The following SYN3 variants were observed in gnomAD, a reference collection of about 807,000 sequenced individuals.
SYN3 encodes synapsin III.
SYN3 carries 35 observed loss-of-function variants against 65.8 expected under a neutral mutation model. That is an observed-to-expected ratio of 0.53 (90% CI 0.41 to 0.70). The LOEUF (loss-of-function observed/expected upper bound fraction) is 0.70, where lower values mean the gene tolerates loss of function less well. Among genes scored for constraint, SYN3 ranks in the 30% least tolerant of loss-of-function variants. The probability of loss-of-function intolerance (pLI) is 0.00; values close to 1 mark genes in which losing one functional copy is unlikely to be tolerated. For missense variants in SYN3, 680 were observed against 749.0 expected (o/e 0.91, Z 1.08); for synonymous variants, 270 against 292.9 (o/e 0.92, Z 0.80).
intron 5 of SYN3, among the ~76,000 whole-genome samples, chr22:32,865,622 C>T (rs1428091619): frequency 1.3e-5 from 2 of 152,148 alleles, no homozygotes; most frequent in African/African-American, 2.4e-5. Context: ...TGTTGCAACC[C>T]CTCTCATTTC....
intron 1 of SYN3, chr22:33,015,181 A>T: frequency 4.4e-6 from 1 of 227,770 alleles, no homozygotes; most frequent in Non-Finnish European, 8.5e-6. Context: ...AGATGGCGCC[A>T]CAGCACTCCA....
intron 7 of SYN3, among the ~76,000 whole-genome samples, chr22:32,586,560 A>G (rs1223041973): frequency 1.3e-5 from 2 of 152,166 alleles, no homozygotes; most frequent in East Asian, 3.8e-4. Flanking sequence ...TCATCAACAA[A>G]AAGCACAAAA....
At chr22:32,937,435 C>T (rs1357690947) in intron 3 of SYN3, among the ~76,000 whole-genome samples, 4 of 152,168 alleles carry the variant, frequency 2.6e-5, no homozygotes, top group Non-Finnish European at 5.9e-5. Context: ...TTAATCAGCT[C>T]ACAGTTGTGT....
intron 6 of SYN3, among the ~76,000 whole-genome samples, chr22:32,714,995 C>T (rs560104716): frequency 7.9e-5 from 12 of 152,224 alleles, no homozygotes; most frequent in Admixed American, 2.0e-4. Flanking sequence ...GTATGTTCTG[C>T]GGAGCGCTCC....
chr22:32,540,807 C>G (rs1379709534), intron 8 of SYN3, among the ~76,000 whole-genome samples: 1 of 152,192 alleles, frequency 6.6e-6, no homozygotes, highest in African/African-American at 2.4e-5. Context: ...AAAATGCGAT[C>G]AAAGTTGGAC....
chr22:32,519,981 T>C (rs1159395106), intron 12 of SYN3, among the ~76,000 whole-genome samples: 1 of 152,086 alleles, frequency 6.6e-6, no homozygotes, highest in Non-Finnish European at 1.5e-5. Flanking sequence ...TAGGCATTAT[T>C]TTCATCCCCT....
chr22:32,692,914 A>C (rs979292216), intron 6 of SYN3, among the ~76,000 whole-genome samples: 3 of 152,170 alleles, frequency 2.0e-5, no homozygotes, highest in South Asian at 2.1e-4. Flanking sequence ...CCATTTCCCA[A>C]AGCTAATCAC....
chr22:32,777,106 G>T (rs753893572), intron 6 of SYN3, among the ~76,000 whole-genome samples: 4 of 152,158 alleles, frequency 2.6e-5, no homozygotes, highest in Non-Finnish European at 4.4e-5. Context: ...TTCAGAACCA[G>T]TTCCTCCCAG....
Position 32,605,238 on chromosome 22 carries a change from A to C in SYN3, c.712-8502T>G, listed in dbSNP as rs144969118. On this transcript the variant is annotated intron_variant, in intron 6 of 13. Coordinates refer to ENST00000358763, the MANE Select transcript of SYN3 (RefSeq NM_003490.4). ...TATGCGAACAGGCAGAGTCAGGAGGAATGTGGTGATTCGAGTGGAAGGTTT... is the reference window on the plus strand; with the variant it reads ...TATGCGAACAGGCAGAGTCAGGAGGCATGTGGTGATTCGAGTGGAAGGTTT... 2.2e-4 allele frequency among the ~76,000 whole-genome samples: 34 copies of C among 152,078 alleles called. No homozygotes were observed. The East Asian group carries it at 6.6e-3, about 30-fold the overall frequency.
chr22:32,628,755 A>C (rs2059705729), intron 6 of SYN3, among the ~76,000 whole-genome samples: 1 of 152,138 alleles, frequency 6.6e-6, no homozygotes, highest in African/African-American at 2.4e-5. Context: ...TCTAAAAAAA[A>C]AAAAAACCTC....
intron 7 of SYN3, among the ~76,000 whole-genome samples, chr22:32,586,004 G>C (rs1489600623): frequency 7.7e-6 from 1 of 129,818 alleles, no homozygotes; most frequent in Non-Finnish European, 1.6e-5. Context: ...ATATATGTAT[G>C]TATGTATACG....
At chr22:32,573,936 A>ATTTTTTT (rs562426253) in intron 7 of SYN3, among the ~76,000 whole-genome samples, 1 of 140,592 alleles carries the variant, frequency 7.1e-6, no homozygotes, top group African/African-American at 2.6e-5. Flanking sequence ...CGCCCGGCTA[A>ATTTTTTT]TTTTTTTTTT....
At chr22:32,668,267 T>C (rs1468739666) in intron 6 of SYN3, among the ~76,000 whole-genome samples, 1 of 152,224 alleles carries the variant, frequency 6.6e-6, no homozygotes, top group Non-Finnish European at 1.5e-5. Context: ...TTAGAAGTGT[T>C]AAAAGAAACT....
At chr22:32,568,149 T>C (rs1413499877) in intron 7 of SYN3, among the ~76,000 whole-genome samples, 6 of 152,210 alleles carry the variant, frequency 3.9e-5, no homozygotes, top group Non-Finnish European at 5.9e-5. Context: ...GCTGTGCCTC[T>C]GGGAGGTCCT....
rs2057708840 is a variant in SYN3 at position 32,512,938 on chromosome 22, C to T, written c.*754G>A. 6.6e-6 allele frequency: 1 copy of T among 152,236 alleles called. No individual in the cohort carries two copies. The highest frequency in any genetic ancestry group is 2.1e-4 in the South Asian group (1 of 4,828). 9.4% of individuals were successfully genotyped at this position (152,236 alleles called of 1,614,324 possible). A position where few individuals can be genotyped will look rare whatever the true frequency, so the allele number is the denominator to read the frequency against. On this transcript the variant is annotated 3_prime_UTR_variant, in exon 14 of 14. Transcript: ENST00000358763. The stretch of plus-strand genomic sequence containing the variant: ...CCAGGGCCTCTTTCTCCTTTGTAAA[C>T]TAGTCTTTATTCCTACAATAACCTG...
intron 6 of SYN3, among the ~76,000 whole-genome samples, chr22:32,670,863 TGAGTAG>T (rs1415148945): frequency 2.6e-5 from 4 of 152,146 alleles, no homozygotes; most frequent in Admixed American, 2.6e-4. Flanking sequence ...TGGGACGTGG[TGAGTAG>T]GAGGGCATGG....
rs191600093 is a variant in SYN3, at chr22:32,620,717, C to A, written c.712-23981G>T. ...AATTGTTTTAAGAAGCTTCACAACCCAAATCACTCTTTTTTTTTTTTAAAC... is the reference window on the plus strand; with the variant it reads ...AATTGTTTTAAGAAGCTTCACAACCAAAATCACTCTTTTTTTTTTTTAAAC... On this transcript the variant is annotated intron_variant, in intron 6 of 13. Transcript: ENST00000358763. 7.9e-5 allele frequency among the ~76,000 whole-genome samples: 12 copies of A among 152,090 alleles called. No homozygotes were observed. In the East Asian group the frequency reaches 1.7e-3, roughly 22 times the overall value.
At chr22:33,039,462 G>A (rs1024188163) in intron 1 of SYN3, among the ~76,000 whole-genome samples, 2 of 147,512 alleles carry the variant, frequency 1.4e-5, no homozygotes, top group African/African-American at 5.0e-5. Context: ...TGCAACCTCC[G>A]CCTCCTGGGT....
At chr22:32,714,202 T>A (rs2061005550) in intron 6 of SYN3, among the ~76,000 whole-genome samples, 1 of 152,134 alleles carries the variant, frequency 6.6e-6, no homozygotes, top group African/African-American at 2.4e-5. Flanking sequence ...GGCAGTGAGA[T>A]CTGAAGGCCC....
Sources: allele counts gnomAD v4.1 joint callset (sites outside exome capture counted in the v4.1 genomes callset), GRCh38; gene constraint gnomAD v4.1.1; transcripts MANE v1.5; gene names NCBI Gene and HGNC (gene_info 2026-07-23, HGNC 2026-07-21).